Variants in GRXCR1 observed in about 807,000 individuals in gnomAD.
GRXCR1 encodes the protein glutaredoxin domain-containing cysteine-rich protein 1.
A neutral mutation model predicts 27.3 loss-of-function variants in GRXCR1; 27 were observed. That is an observed-to-expected ratio of 0.99 (90% CI 0.73 to 1.37). GRXCR1 has a LOEUF of 1.37. GRXCR1 is among the 40% of genes most tolerant of loss of function. The pLI, the probability that GRXCR1 is intolerant of heterozygous loss-of-function variation, is 0.00. For missense variants in GRXCR1, 379 were observed against 354.4 expected, an observed-to-expected ratio of 1.07 and a Z score of -0.56; for synonymous variants, 122 against 131.1, an observed-to-expected ratio of 0.93 and a Z score of 0.47.
chr4:42,925,957 G>A (rs1468673846), intron 1 of GRXCR1, among the ~76,000 whole-genome samples: 1 of 151,980 alleles, frequency 6.6e-6, no homozygotes, highest in Non-Finnish European at 1.5e-5. Context: ...GGTCATTAAT[G>A]ACTTATTAAA....
At chr4:43,026,251 T>C (rs779920631) in intron 3 of GRXCR1, among the ~76,000 whole-genome samples, 97 of 152,172 alleles carry the variant, frequency 6.4e-4, no homozygotes, top group South Asian at 2.3e-3. Context: ...TATAAGAGCA[T>C]CCAATATAAC....
chr4:42,950,530 T>C (rs1178167268), intron 1 of GRXCR1, among the ~76,000 whole-genome samples: 2 of 152,192 alleles, frequency 1.3e-5, no homozygotes, highest in Non-Finnish European at 2.9e-5. Context: ...AAGATATTCA[T>C]ATTACAAGAT....
chr4:42,997,083 T>A (rs1712190935), intron 2 of GRXCR1, among the ~76,000 whole-genome samples: 1 of 152,160 alleles, frequency 6.6e-6, no homozygotes, highest in Non-Finnish European at 1.5e-5. Context: ...TTTTATCCTT[T>A]GATGTCATTT....
At chr4:42,931,527 C>A (rs1309640591) in intron 1 of GRXCR1, among the ~76,000 whole-genome samples, 1 of 151,854 alleles carries the variant, frequency 6.6e-6, no homozygotes, top group Non-Finnish European at 1.5e-5. Flanking sequence ...CAGATTCTTC[C>A]TCTCATTAGA....
At chr4:43,008,419 G>A (rs569713281) in intron 2 of GRXCR1, among the ~76,000 whole-genome samples, 1 of 152,318 alleles carries the variant, frequency 6.6e-6, no homozygotes, top group East Asian at 1.9e-4. Context: ...TATAGCACAA[G>A]TTTGCCTTTA....
intron 2 of GRXCR1, among the ~76,000 whole-genome samples, chr4:42,974,183 T>A (rs1027739057): frequency 6.6e-6 from 1 of 152,008 alleles, no homozygotes; most frequent in African/African-American, 2.4e-5. Context: ...CTGGGGTTTT[T>A]AAGTGGATCA....
intron 2 of GRXCR1, among the ~76,000 whole-genome samples, chr4:42,995,185 G>A (rs1353240423): frequency 2.0e-5 from 3 of 152,162 alleles, no homozygotes; most frequent in South Asian, 4.2e-4. Context: ...AAATTAATGT[G>A]TCCAGCGTTG....
intron 2 of GRXCR1, among the ~76,000 whole-genome samples, chr4:43,011,604 TA>T (rs1442945528): frequency 6.6e-6 from 1 of 152,208 alleles, no homozygotes; most frequent in Non-Finnish European, 1.5e-5. Context: ...GGCTCTTCGT[TA>T]AACAATTTTT....
intron 1 of GRXCR1, among the ~76,000 whole-genome samples, chr4:42,897,864 T>C (rs977522773): frequency 6.6e-6 from 1 of 151,542 alleles, no homozygotes; most frequent in Non-Finnish European, 1.5e-5. Flanking sequence ...GGATTTCACA[T>C]ATATTATTTT....
Position 42,903,487 on chromosome 4 carries a change from AT to A in GRXCR1, c.384+9843del, listed in dbSNP as rs1417537148. Among the ~76,000 whole-genome samples, 24 of 145,398 alleles carry A rather than the reference AT, an allele frequency of 1.7e-4. 1 individual carries two copies. Among genetic ancestry groups the A allele is most frequent in the Non-Finnish European group, 3.4e-4 (23 of 66,768 alleles). On this transcript the variant is annotated intron_variant, in intron 1 of 3. Coordinates refer to ENST00000399770, the MANE Select transcript of GRXCR1 (RefSeq NM_001080476.3). ...CCACCACGCCAGGCTAATTTTTTGTATTTTTTAGTAGAAATGGGGTTTAACC... is the reference window on the plus strand; with the variant it reads ...CCACCACGCCAGGCTAATTTTTTGTATTTTTAGTAGAAATGGGGTTTAACC...
At chr4:42,976,175 G>A (rs1577928051) in intron 2 of GRXCR1, among the ~76,000 whole-genome samples, 1 of 152,002 alleles carries the variant, frequency 6.6e-6, no homozygotes, top group East Asian at 1.9e-4. Flanking sequence ...CTTTAATTTA[G>A]TACTTTGGAC....
At chr4:42,914,698 G>T (rs1264187586) in intron 1 of GRXCR1, among the ~76,000 whole-genome samples, 1 of 152,108 alleles carries the variant, frequency 6.6e-6, no homozygotes, top group Non-Finnish European at 1.5e-5. Flanking sequence ...TAATGATATG[G>T]CTTGGGTCTT....
At chr4:42,981,431 T>A (rs1748665823) in intron 2 of GRXCR1, among the ~76,000 whole-genome samples, 1 of 152,190 alleles carries the variant, frequency 6.6e-6, no homozygotes, top group African/African-American at 2.4e-5. Context: ...TGAATTTCAA[T>A]AGCTTTGAAT....
chr4:43,021,816 TG>T (rs944858458), intron 3 of GRXCR1, among the ~76,000 whole-genome samples: 2 of 152,222 alleles, frequency 1.3e-5, no homozygotes, highest in African/African-American at 4.8e-5. Context: ...AGAGTAAATT[TG>T]TTTTTGTAAA....
intron 2 of GRXCR1, among the ~76,000 whole-genome samples, chr4:42,968,909 T>A (rs1748314140): frequency 6.6e-6 from 1 of 152,144 alleles, no homozygotes; most frequent in Non-Finnish European, 1.5e-5. Context: ...TATTTCTTAG[T>A]ACTGCATAGA....
chr4:42,961,608 C>T (rs1188760444), intron 1 of GRXCR1, among the ~76,000 whole-genome samples: 1 of 151,952 alleles, frequency 6.6e-6, no homozygotes, highest in Non-Finnish European at 1.5e-5. Context: ...TTTATGATAC[C>T]AACTTAATTC....
intron 2 of GRXCR1, among the ~76,000 whole-genome samples, chr4:42,991,610 C>A (rs1711977821): frequency 6.6e-6 from 1 of 152,014 alleles, no homozygotes; most frequent in African/African-American, 2.4e-5. Flanking sequence ...GCCAGGAGTT[C>A]TTTGAAACAT....
intron 1 of GRXCR1, among the ~76,000 whole-genome samples, chr4:42,929,174 A>G (rs1461863525): frequency 6.6e-6 from 1 of 151,974 alleles, no homozygotes; most frequent in Non-Finnish European, 1.5e-5. Context: ...TGTAAGGATG[A>G]CCAGCTGTCA....
chr4:42,945,175 C>G (rs183389880), intron 1 of GRXCR1, among the ~76,000 whole-genome samples: 4 of 152,182 alleles, frequency 2.6e-5, no homozygotes, highest in African/African-American at 9.6e-5. Context: ...ACAGAATCTA[C>G]TAATGTCTTG....
Sources: allele counts gnomAD v4.1 joint callset (sites outside exome capture counted in the v4.1 genomes callset), GRCh38; gene constraint gnomAD v4.1.1; transcripts MANE v1.5; gene names NCBI Gene and HGNC (gene_info 2026-07-23, HGNC 2026-07-21).